JMJD1C: variants seen among roughly 807,000 people sequenced by gnomAD.
The protein encoded by JMJD1C is jumonji domain-containing protein 1C.
JMJD1C carries 31 observed loss-of-function variants against 245.3 expected under a neutral mutation model. The ratio of observed to expected loss-of-function variants is 0.13; its 90% CI spans 0.09 to 0.17. JMJD1C has a LOEUF of 0.17. Ranked by LOEUF, JMJD1C falls within the 10% of genes least tolerant of loss-of-function variation. The pLI, the probability that JMJD1C is intolerant of heterozygous loss-of-function variation, is 1.00. For missense variants in JMJD1C, 2,691 were observed against 3,000.2 expected (o/e 0.90, Z 2.41); for synonymous variants, 1,057 against 1,017.4 (o/e 1.04, Z -0.74).
chr10:63,478,553 A>G (rs1953731683), intron 1 of JMJD1C, among the ~76,000 whole-genome samples: 1 of 152,208 alleles, frequency 6.6e-6, no homozygotes, highest in Non-Finnish European at 1.5e-5. Flanking sequence ...GAAACATTAT[A>G]CTTTTGCTTA....
In JMJD1C at chr10:63,168,420, A is replaced by G; in HGVS notation, c.7533+15T>C. Reference sequence around the variant, plus strand: ...AAAAGCCTGAAGAACAGGACCTAGAACACCCAACTCTTACCTGTAGTTTAT... The same window carrying G: ...AAAAGCCTGAAGAACAGGACCTAGAGCACCCAACTCTTACCTGTAGTTTAT... On this transcript the variant is annotated intron_variant, in intron 25 of 25. Transcript: ENST00000399262. The G allele has an allele frequency of 6.3e-7, 1 of 1,596,046 alleles. No homozygotes were observed. The highest frequency in any genetic ancestry group is 1.4e-5 in the African/African-American group (1 of 73,854).
chr10:63,421,421 TAGA>T (rs1364010102), intron 1 of JMJD1C, among the ~76,000 whole-genome samples: 2 of 152,130 alleles, frequency 1.3e-5, no homozygotes, highest in African/African-American at 4.8e-5. Context: ...TATCTCTAGG[TAGA>T]AGAAGAGATT....
At chr10:63,363,965 C>G (rs1428290446) in intron 2 of JMJD1C, among the ~76,000 whole-genome samples, 1 of 151,580 alleles carries the variant, frequency 6.6e-6, no homozygotes, top group Non-Finnish European at 1.5e-5. Context: ...AAGCAATTCT[C>G]TTGCCTCAGC....
intron 2 of JMJD1C, among the ~76,000 whole-genome samples, chr10:63,365,076 C>T (rs1326922572): frequency 6.6e-6 from 1 of 152,216 alleles, no homozygotes; most frequent in African/African-American, 2.4e-5. Context: ...GGCACAAGAC[C>T]TTGGGATTTC....
chr10:63,318,222 G>A (rs1217804014), intron 2 of JMJD1C, among the ~76,000 whole-genome samples: 1 of 151,804 alleles, frequency 6.6e-6, no homozygotes, highest in Non-Finnish European at 1.5e-5. Flanking sequence ...TCCTTATGTT[G>A]CCCAGGCTAG....
chr10:63,212,314 G>C (rs1651441539), intron 8 of JMJD1C, among the ~76,000 whole-genome samples: 1 of 152,158 alleles, frequency 6.6e-6, no homozygotes, highest in Non-Finnish European at 1.5e-5. Context: ...TTAATATTAT[G>C]TATGTATGTG....
chr10:63,499,970 C>T (rs1954491070), intron 1 of JMJD1C, among the ~76,000 whole-genome samples: 1 of 152,220 alleles, frequency 6.6e-6, no homozygotes, highest in Admixed American at 6.5e-5. Flanking sequence ...TCTACTAACA[C>T]TTAGTAGTCT....
chr10:63,496,140 C>G (rs1462489674), intron 1 of JMJD1C, among the ~76,000 whole-genome samples: 1 of 150,666 alleles, frequency 6.6e-6, no homozygotes, highest in Non-Finnish European at 1.5e-5. Context: ...AAGAACATGT[C>G]AAATGACACC....
intron 2 of JMJD1C, among the ~76,000 whole-genome samples, chr10:63,347,241 G>T (rs183992000): frequency 6.6e-6 from 1 of 151,708 alleles, no homozygotes; most frequent in Admixed American, 6.6e-5. Context: ...GCTAATTTTT[G>T]TATTTTTGTC....
chr10:63,325,125 T>A (rs1941360183), intron 2 of JMJD1C, among the ~76,000 whole-genome samples: 1 of 152,220 alleles, frequency 6.6e-6, no homozygotes, highest in South Asian at 2.1e-4. Flanking sequence ...TCATAGCTAC[T>A]GATATATAAA....
chr10:63,504,274 C>A (rs1954650216), intron 1 of JMJD1C, among the ~76,000 whole-genome samples: 1 of 152,100 alleles, frequency 6.6e-6, no homozygotes, highest in Non-Finnish European at 1.5e-5. Context: ...AGCTCACATT[C>A]TAATTGGAGG....
At chr10:63,464,200 C>A (rs1953013192) in intron 1 of JMJD1C, among the ~76,000 whole-genome samples, 1 of 151,628 alleles carries the variant, frequency 6.6e-6, no homozygotes, top group Admixed American at 6.6e-5. Context: ...CAGCCAAAAC[C>A]TTCAAAACTA....
intron 1 of JMJD1C, among the ~76,000 whole-genome samples, chr10:63,462,745 A>C (rs1952886620): frequency 6.6e-6 from 1 of 152,238 alleles, no homozygotes; most frequent in African/African-American, 2.4e-5. Flanking sequence ...AAAAGGAAAG[A>C]AAATGGATCT....
chr10:63,193,422 T>C lies in JMJD1C; in HGVS notation c.5785A>G (p.Ile1929Val). Reference sequence around the variant, plus strand: ...TTAGTACAATGACAATGGGATTTAATACCATATTTTTCCCTAAGAGTGTGC... The same window carrying C: ...TTAGTACAATGACAATGGGATTTAACACCATATTTTTCCCTAAGAGTGTGC... ...AMHTLREKYG[I>V]KSHCHCTNKQ... The change falls in exon 15 of 26, where the codon ATT becomes GTT. Residue 1929 changes from isoleucine (I) to valine (V), a missense_variant. Physicochemically the swap from Ile to Val is conservative, Grantham distance 29 (BLOSUM62 3). This residue lies in a region of JMJD1C where 275 missense variants were observed against 285.5 expected (regional missense o/e 0.96). Transcript: ENST00000399262. 6.3e-7 allele frequency: 1 copy of C among 1,598,860 alleles called. No individual in the cohort carries two copies. The highest frequency in any genetic ancestry group is 1.1e-5 in the South Asian group (1 of 89,266).
chr10:63,271,483 T>C (rs1050650359), intron 2 of JMJD1C, among the ~76,000 whole-genome samples: 3 of 152,106 alleles, frequency 2.0e-5, no homozygotes, highest in East Asian at 1.9e-4. Context: ...CGGATGTAAA[T>C]AGTCTTTTAT....
At chr10:63,451,230 C>T (rs557905995) in intron 1 of JMJD1C, among the ~76,000 whole-genome samples, 9 of 152,184 alleles carry the variant, frequency 5.9e-5, no homozygotes, top group Non-Finnish European at 1.3e-4. Flanking sequence ...TCAATACATA[C>T]AAACCCTATT....
chr10:63,190,857 A>T, intron 17 of JMJD1C, 37 bp downstream of exon 17: 1 of 1,515,324 alleles, frequency 6.6e-7, no homozygotes, highest in African/African-American at 1.4e-5. Flanking sequence ...TCTCTATTTA[A>T]GGCCCACATT....
At chr10:63,486,137 T>TAAAAAAAAAAAAAAAA (rs1166721473) in intron 1 of JMJD1C, among the ~76,000 whole-genome samples, 6 of 73,290 alleles carry the variant, frequency 8.2e-5, no homozygotes, top group African/African-American at 4.1e-4. Context: ...CAAGCAATTG[T>TAAAAAAAAAAAAAAAA]AAAAAAAAAA....
At chr10:63,480,481 C>T (rs1953797845) in intron 1 of JMJD1C, among the ~76,000 whole-genome samples, 1 of 152,000 alleles carries the variant, frequency 6.6e-6, no homozygotes, top group Admixed American at 6.6e-5. Context: ...CCACACCTGG[C>T]CTAAACTATA....
Sources: allele counts gnomAD v4.1 joint callset (sites outside exome capture counted in the v4.1 genomes callset), GRCh38; gene constraint gnomAD v4.1.1; regional missense constraint gnomAD v4.1.1; transcripts MANE v1.5; gene names NCBI Gene and HGNC (gene_info 2026-07-23, HGNC 2026-07-21).